The following PISD variants were observed in gnomAD, a reference collection of about 807,000 sequenced individuals.
The protein encoded by PISD is phosphatidylserine decarboxylase.
In PISD, 31 loss-of-function variants were observed where a neutral mutation model predicts 43.5. That is an observed-to-expected ratio of 0.71 (90% CI 0.54 to 0.96). The LOEUF (loss-of-function observed/expected upper bound fraction) is 0.96, where lower values mean the gene tolerates loss of function less well. PISD is among the 40% of genes least tolerant of loss of function. PISD has a pLI of 0.00. For synonymous variants in PISD, 259 were observed against 228.7 expected (o/e 1.13, Z -1.20); for missense variants, 523 against 548.4 (o/e 0.95, Z 0.46).
chr22:31,633,832 G>A (rs2073309528), intron 3 of PISD, among the ~76,000 whole-genome samples: 2 of 152,242 alleles, frequency 1.3e-5, no homozygotes, highest in Non-Finnish European at 2.9e-5. Flanking sequence ...TTTCAGTGGG[G>A]AAATGCCTCT....
In PISD at chr22:31,619,786, GAA is replaced by G. The variant is rs748755482; in HGVS notation, c.1054_1055del (p.Phe352GlnfsTer8). On this transcript the variant is annotated frameshift_variant, in exon 8 of 8. Transcript: ENST00000439502. LOFTEE classifies it high-confidence loss of function. ...CTCTATTGGTGTGCGTCACGAAGCT[GAA>G]GTCATTGTAGGAGCCCTTGCTGTGC... is the stretch of plus-strand genomic sequence containing the variant. ...PRHSKGSYND[F>X]SFVTHTNREG... is the part of the protein sequence containing the mutation. 6.8e-6 allele frequency: 11 copies of G among 1,614,122 alleles called. No individual in the cohort carries two copies. The highest frequency in any genetic ancestry group is 9.3e-6 in the Non-Finnish European group (11 of 1,180,048).
At position 31,619,853 on chromosome 22, in the gene PISD, G is replaced by A. The variant is rs116971071; in HGVS notation, c.1006-17C>T. ...GTGCAGGTCCTGTGGTGATAGGCTG[G>A]GGGTCAGTGGGGCCCAGGCCACCAA... On this transcript the variant is annotated splice_polypyrimidine_tract_variant and intron_variant, in intron 7 of 7. Transcript: ENST00000439502. 8 of 1,565,302 alleles carry A rather than the reference G, an allele frequency of 5.1e-6. No individual in the cohort carries two copies. In the South Asian group the frequency reaches 7.9e-5, roughly 15 times the overall value.
chr22:31,651,445 T>G (rs2074025981), intron 1 of PISD, among the ~76,000 whole-genome samples: 1 of 152,200 alleles, frequency 6.6e-6, no homozygotes, highest in Admixed American at 6.6e-5. Flanking sequence ...TATGTACTAT[T>G]TCTATAACTT....
intron 1 of PISD, among the ~76,000 whole-genome samples, chr22:31,651,593 A>G (rs533964380): frequency 5.3e-5 from 8 of 152,228 alleles, no homozygotes; most frequent in Admixed American, 5.2e-4. Flanking sequence ...TACTAAAAAT[A>G]CAAAATTAGC....
chr22:31,662,126 C>G lies in PISD; in HGVS notation c.65+18G>C, dbSNP rs371055087. 1 of 1,605,916 alleles carries G rather than the reference C, an allele frequency of 6.2e-7. No homozygotes were observed. Among genetic ancestry groups the G allele is most frequent in the Non-Finnish European group, 8.5e-7 (1 of 1,178,140 alleles). On this transcript the variant is annotated intron_variant, in intron 1 of 7. Transcript: ENST00000439502. ...AGGTTGCCCCACGCCCCAAGGTAGT[C>G]TCTCCGCGCTGCTATACCTGCTCCG...
chr22:31,638,707 A>C, intron 3 of PISD: 3 of 792,592 alleles, frequency 3.8e-6, no homozygotes, highest in Non-Finnish European at 4.6e-6. Flanking sequence ...GGCTGCTCTC[A>C]AACTCCTGGG....
chr22:31,630,779 C>G lies in PISD; in HGVS notation c.322-8894G>C, dbSNP rs569349124. On this transcript the variant is annotated intron_variant, in intron 3 of 7. Transcript: ENST00000439502. The surrounding 1 kb of genome is among the most constrained non-coding windows in gnomAD (Gnocchi z 4.4). ...AGTCACCTGGGGCTCCCGGCAGGGC[C>G]GGGGCGCCGGCTCCGCTCACTCACC... 454 of 985,590 alleles carry G rather than the reference C, an allele frequency of 4.6e-4. 1 individual carries two copies. In the African/African-American group the frequency reaches 7.4e-3, roughly 16 times the overall value. 61.1% of individuals were successfully genotyped at this position (985,590 alleles called of 1,614,324 possible). A position where few individuals can be genotyped will look rare whatever the true frequency, so the allele number is the denominator to read the frequency against.
chr22:31,629,232 G>A (rs1157753214), intron 3 of PISD: 6 of 985,258 alleles, frequency 6.1e-6, no homozygotes, highest in African/African-American at 3.5e-5. Flanking sequence ...ATTGTTGTGC[G>A]TGAGGGGTAG....
At chr22:31,649,021 C>G (rs2073961951) in intron 2 of PISD, among the ~76,000 whole-genome samples, 1 of 152,088 alleles carries the variant, frequency 6.6e-6, no homozygotes, top group African/African-American at 2.4e-5. Flanking sequence ...GGTATTCTCT[C>G]TCAAATGCAA....
upstream of PISD, chr22:31,662,415 A>C: frequency 1.7e-6 from 1 of 578,808 alleles, no homozygotes; most frequent in Non-Finnish European, 3.1e-6. Context: ...GTTTCGCTAA[A>C]CCTGGGCTTG....
At chr22:31,653,737 C>A (rs911682133) in intron 1 of PISD, among the ~76,000 whole-genome samples, 3 of 152,326 alleles carry the variant, frequency 2.0e-5, no homozygotes, top group African/African-American at 7.2e-5. Context: ...AATTCCAGCA[C>A]TTTGGGAGGC....
intron 2 of PISD, among the ~76,000 whole-genome samples, chr22:31,649,176 C>T (rs567287794): frequency 6.6e-5 from 10 of 152,078 alleles, no homozygotes; most frequent in Non-Finnish European, 1.0e-4. Context: ...GCTATGATCA[C>T]GCCACTGCAC....
intron 3 of PISD, among the ~76,000 whole-genome samples, chr22:31,627,569 C>T (rs2072976476): frequency 1.3e-5 from 2 of 152,246 alleles, no homozygotes; most frequent in South Asian, 4.1e-4. Flanking sequence ...AAAGGGGAAG[C>T]TCTTTCCCTG....
rs1331959312 is a variant in PISD at position 31,621,344 on chromosome 22, G to T, written c.687C>A (p.Pro229=). The T allele has an allele frequency of 6.2e-7, 1 of 1,614,068 alleles. No homozygotes were observed. The highest frequency in any genetic ancestry group is 1.1e-5 in the South Asian group (1 of 91,088). Reference sequence around the variant, plus strand: ...TGTGCAGTGACCCACCTGGTGGGAAGGGCAGGTCCTCTGTGCACATACGCG... The same window carrying T: ...TGTGCAGTGACCCACCTGGTGGGAATGGCAGGTCCTCTGTGCACATACGCG... The part of the protein sequence containing the change: ...LGPRMCTEDL[P]FPPAASCDSF... Residue 229 remains proline (P), a synonymous_variant, in exon 5 of 8, where the codon CCC becomes CCA. Transcript: ENST00000439502.
rs568761820 is a variant in PISD, at chr22:31,622,588, C to T, written c.322-703G>A. Among the ~76,000 whole-genome samples, 29 of 152,260 alleles carry T rather than the reference C, an allele frequency of 1.9e-4. No homozygotes were observed. The South Asian group carries it at 6.0e-3, about 32-fold the overall frequency. Reference sequence around the variant, plus strand: ...GCCCCACGGCAGGACTTGTGTTCAACGTTCTACTGTGACTGAGCCAGGCCA... The same window carrying T: ...GCCCCACGGCAGGACTTGTGTTCAATGTTCTACTGTGACTGAGCCAGGCCA... On this transcript the variant is annotated intron_variant, in intron 3 of 7. Coordinates refer to ENST00000439502, the MANE Select transcript of PISD (RefSeq NM_001326411.2).
chr22:31,621,493 T>G, intron 4 of PISD, 21 bp from the exon 5 acceptor site: 1 of 1,613,840 alleles, frequency 6.2e-7, no homozygotes, highest in Non-Finnish European at 8.5e-7. Flanking sequence ...AGGAGAGGCT[T>G]GCTGCCAGGG....
At chr22:31,655,378 T>G (rs1006439482) in intron 1 of PISD, among the ~76,000 whole-genome samples, 1 of 151,774 alleles carries the variant, frequency 6.6e-6, no homozygotes, top group Non-Finnish European at 1.5e-5. Context: ...TGCAGTGGCA[T>G]GATCATAGCT....
rs1713251097 is a variant in PISD at position 31,621,672 on chromosome 22, G to T, written c.535C>A (p.Pro179Thr). 1 of 1,613,612 alleles carries T rather than the reference G, an allele frequency of 6.2e-7. No homozygotes were observed. The highest frequency in any genetic ancestry group is 1.1e-5 in the South Asian group (1 of 91,078). ...ACCACGCTGTGCAGGCCACAGACAG[G>T]CCGGGCCTGCGGCTTCAGCTTGCGC... Reference protein sequence around the residue: ...FRRKLKPQARPVCGLHSVISP... With the variant: ...FRRKLKPQARTVCGLHSVISP... The change falls in exon 4 of 8, where the codon CCT becomes ACT. Residue 179 changes from proline (P) to threonine (T), a missense_variant. Pro to Thr is a conservative substitution (Grantham distance 38). Coordinates refer to ENST00000439502, the MANE Select transcript of PISD (RefSeq NM_001326411.2).
At chr22:31,657,722 T>C (rs2074219578) in intron 1 of PISD, among the ~76,000 whole-genome samples, 1 of 151,928 alleles carries the variant, frequency 6.6e-6, no homozygotes, top group South Asian at 2.1e-4. Flanking sequence ...TGACAGGGTT[T>C]GTTGGCCACG....
Sources: gnomAD v4.1 joint callset for allele counts (sites outside exome capture counted in the v4.1 genomes callset) on GRCh38, gnomAD v4.1.1 for gene constraint, Gnocchi (gnomAD v3.1) non-coding constraint, MANE v1.5 for transcripts, NCBI Gene and HGNC (gene_info 2026-07-23, HGNC 2026-07-21) for gene names.